Variants in JMJD1C observed in about 807,000 individuals in gnomAD.
JMJD1C encodes the protein jumonji domain-containing protein 1C.
A neutral mutation model predicts 245.3 loss-of-function variants in JMJD1C; 31 were observed. The observed-to-expected ratio is 0.13, with a 90% confidence interval of 0.09 to 0.17. The LOEUF is 0.17. Ranked by LOEUF, JMJD1C falls within the 10% of genes least tolerant of loss-of-function variation. The pLI, the probability that JMJD1C is intolerant of heterozygous loss-of-function variation, is 1.00. For synonymous variants in JMJD1C, 1,057 were observed against 1,017.4 expected (o/e 1.04, Z -0.74); for missense variants, 2,691 against 3,000.2 (o/e 0.90, Z 2.41).
intron 1 of JMJD1C, among the ~76,000 whole-genome samples, chr10:63,484,636 T>A (rs1408467226): frequency 6.6e-6 from 1 of 151,798 alleles, no homozygotes; most frequent in Non-Finnish European, 1.5e-5. Context: ...ACTTTTACTG[T>A]CTCTTAACTT....
At chr10:63,375,845 A>ATAT (rs1376872093) in intron 2 of JMJD1C, among the ~76,000 whole-genome samples, 2 of 152,042 alleles carry the variant, frequency 1.3e-5, no homozygotes, top group African/African-American at 4.8e-5. Context: ...CCAGCCCTTA[A>ATAT]TATTAAGATG....
chr10:63,508,942 G>C (rs1226324335), intron 1 of JMJD1C, among the ~76,000 whole-genome samples: 1 of 152,008 alleles, frequency 6.6e-6, no homozygotes, highest in African/African-American at 2.4e-5. Flanking sequence ...TTGTCTTACT[G>C]CATCAGCTAG....
At chr10:63,268,779 A>C in intron 2 of JMJD1C, 12 of 985,652 alleles carry the variant, frequency 1.2e-5, no homozygotes, top group Non-Finnish European at 1.3e-5. Flanking sequence ...TCTAGTGTAA[A>C]TACTTCTTTA....
chr10:63,351,904 G>C (rs1250699910), intron 2 of JMJD1C, among the ~76,000 whole-genome samples: 1 of 152,096 alleles, frequency 6.6e-6, no homozygotes, highest in African/African-American at 2.4e-5. Flanking sequence ...ATTTAATGTA[G>C]TCCAAGGCCA....
At chr10:63,369,622 A>G (rs1204606901) in intron 2 of JMJD1C, among the ~76,000 whole-genome samples, 1 of 152,230 alleles carries the variant, frequency 6.6e-6, no homozygotes, top group Non-Finnish European at 1.5e-5. Flanking sequence ...GGCTCCTCCC[A>G]ATATTAGGCA....
chr10:63,295,993 G>A (rs1412616176), intron 2 of JMJD1C, among the ~76,000 whole-genome samples: 1,047 of 12,872 alleles, frequency 0.081, 44 homozygotes, highest in Non-Finnish European at 0.13. Context: ...GTGTGTGTGT[G>A]TGTGTGTGTG....
chr10:63,224,341 C>T (rs1848991057), intron 3 of JMJD1C, among the ~76,000 whole-genome samples: 1 of 152,052 alleles, frequency 6.6e-6, no homozygotes, highest in Admixed American at 6.6e-5. Context: ...CTTAAAATAT[C>T]TAATTCTGAT....
At chr10:63,413,339 CTTAAA>C (rs1336879041) in intron 1 of JMJD1C, among the ~76,000 whole-genome samples, 1 of 152,040 alleles carries the variant, frequency 6.6e-6, no homozygotes, top group Non-Finnish European at 1.5e-5. Flanking sequence ...GTTTTGCTAC[CTTAAA>C]TATATGGTAT....
chr10:63,386,702 C>T (rs1044015343), intron 1 of JMJD1C, among the ~76,000 whole-genome samples: 1 of 152,190 alleles, frequency 6.6e-6, no homozygotes, highest in Non-Finnish European at 1.5e-5. Context: ...ACAACCTCTG[C>T]CAACACCAAA....
At chr10:63,260,478 T>A (rs1854558662) in intron 3 of JMJD1C, among the ~76,000 whole-genome samples, 1 of 152,208 alleles carries the variant, frequency 6.6e-6, no homozygotes, top group African/African-American at 2.4e-5. Flanking sequence ...AAAATTTTTA[T>A]GTGAATGTGA....
chr10:63,263,994 A>T (rs1012511465), intron 3 of JMJD1C, among the ~76,000 whole-genome samples: 5 of 149,164 alleles, frequency 3.4e-5, no homozygotes, highest in South Asian at 2.1e-4. Context: ...ACACACACAC[A>T]CACACACACA....
intron 16 of JMJD1C, among the ~76,000 whole-genome samples, chr10:63,192,080 T>C (rs1844897774): frequency 6.7e-6 from 1 of 150,170 alleles, no homozygotes; most frequent in Admixed American, 6.6e-5. Flanking sequence ...TATATCAATA[T>C]GCTCATCCAC....
At chr10:63,206,515 C>A in intron 10 of JMJD1C, 80 bp downstream of exon 10, 1 of 1,134,758 alleles carries the variant, frequency 8.8e-7, no homozygotes, top group Non-Finnish European at 1.2e-6. Context: ...TTTAAGCTCA[C>A]TGATCTTTAA....
At chr10:63,174,545 A>C (rs1057451798) in intron 24 of JMJD1C, among the ~76,000 whole-genome samples, 1 of 152,162 alleles carries the variant, frequency 6.6e-6, no homozygotes, top group African/African-American at 2.4e-5. Context: ...ATAAAAGTGC[A>C]AGAGGATGCC....
intron 3 of JMJD1C, among the ~76,000 whole-genome samples, chr10:63,243,103 TTATATATA>T (rs10607355): frequency 1.7e-5 from 2 of 120,124 alleles, no homozygotes; most frequent in East Asian, 2.2e-4. Flanking sequence ...CTAACATAAA[TTATATATA>T]TATATATATA....
At chr10:63,404,857 A>C (rs1440788384) in intron 1 of JMJD1C, among the ~76,000 whole-genome samples, 2 of 152,208 alleles carry the variant, frequency 1.3e-5, no homozygotes, top group Non-Finnish European at 2.9e-5. Context: ...AAAATGAAAC[A>C]AAAGCAGTAC....
rs1324924381 is a variant in JMJD1C at position 63,184,782 on chromosome 10, T to C, written c.6831-44A>G. ...GCCTTCTTATAAATAAAGATTTGCA[T>C]TGCTAAGTATTTTCACATATATAAT... On this transcript the variant is annotated intron_variant, in intron 20 of 25. Coordinates refer to ENST00000399262, the MANE Select transcript of JMJD1C (RefSeq NM_032776.3). 8 of 1,539,888 alleles carry C rather than the reference T, an allele frequency of 5.2e-6. No homozygotes were observed. The African/African-American group carries it at 8.3e-5, about 16-fold the overall frequency.
intron 3 of JMJD1C, among the ~76,000 whole-genome samples, chr10:63,249,607 T>A (rs1262649701): frequency 6.6e-6 from 1 of 152,130 alleles, no homozygotes; most frequent in African/African-American, 2.4e-5. Flanking sequence ...ATGCCTGTAA[T>A]CCCAGCACTT....
At chr10:63,193,203 T>C (rs1180538779) in intron 15 of JMJD1C, 52 bp from the exon 16 acceptor site, 2 of 1,517,936 alleles carry the variant, frequency 1.3e-6, no homozygotes, top group South Asian at 1.1e-5. Flanking sequence ...ATAATTCAAT[T>C]AGTAGTATAG....
Sources: allele counts gnomAD v4.1 joint callset (sites outside exome capture counted in the v4.1 genomes callset), GRCh38; gene constraint gnomAD v4.1.1; transcripts MANE v1.5; gene names NCBI Gene and HGNC (gene_info 2026-07-23, HGNC 2026-07-21).